Variants in ARFGEF2 observed in about 807,000 individuals in gnomAD.
The protein encoded by ARFGEF2 is brefeldin A-inhibited guanine nucleotide-exchange protein 2.
Under a neutral mutation model 219.9 loss-of-function variants are expected in ARFGEF2, and 74 were observed. The ratio of observed to expected loss-of-function variants is 0.34; its 90% CI spans 0.28 to 0.41. The LOEUF (loss-of-function observed/expected upper bound fraction) is 0.41, where lower values mean the gene tolerates loss of function less well. Ranked by LOEUF, ARFGEF2 falls within the 10% of genes least tolerant of loss-of-function variation. The pLI, the probability that ARFGEF2 is intolerant of heterozygous loss-of-function variation, is 1.00. For synonymous variants in ARFGEF2, 733 were observed against 799.2 expected (o/e 0.92, Z 1.40); for missense variants, 1,743 against 2,218.3 (o/e 0.79, Z 4.30).
At chr20:48,925,312 A>G (rs1028488567) in intron 1 of ARFGEF2, among the ~76,000 whole-genome samples, 1 of 152,208 alleles carries the variant, frequency 6.6e-6, no homozygotes, top group Non-Finnish European at 1.5e-5. Flanking sequence ...CATCGCCCCA[A>G]GGATACTGTT....
intron 6 of ARFGEF2, among the ~76,000 whole-genome samples, chr20:48,957,811 G>A (rs143325829): frequency 6.6e-6 from 1 of 152,176 alleles, no homozygotes; most frequent in East Asian, 1.9e-4. Flanking sequence ...GCTGGTATTC[G>A]GGCTTTCTGA....
chr20:48,959,090 G>T (rs1355048347), intron 6 of ARFGEF2, among the ~76,000 whole-genome samples: 1 of 152,162 alleles, frequency 6.6e-6, no homozygotes, highest in Non-Finnish European at 1.5e-5. Context: ...GTTTTAAAAA[G>T]CAGCACATAG....
At chr20:49,028,773 C>CT (rs2091617619) in intron 37 of ARFGEF2, 105 bp downstream of exon 37, 1 of 1,322,072 alleles carries the variant, frequency 7.6e-7, no homozygotes, top group Non-Finnish European at 1.1e-6. Flanking sequence ...TGCTGACACT[C>CT]TGACAAATTT....
chr20:48,996,870 G>A (rs898973459), intron 23 of ARFGEF2, among the ~76,000 whole-genome samples: 16 of 150,922 alleles, frequency 1.1e-4, no homozygotes, highest in African/African-American at 3.7e-4. Flanking sequence ...AAAAATCCAG[G>A]AGAGATATTT....
intron 3 of ARFGEF2, among the ~76,000 whole-genome samples, chr20:48,946,574 G>A (rs1475310077): frequency 6.6e-6 from 1 of 151,818 alleles, no homozygotes; most frequent in Admixed American, 6.6e-5. Context: ...TACCTAGGCT[G>A]GAGTGCAGTG....
intron 37 of ARFGEF2, among the ~76,000 whole-genome samples, chr20:49,029,831 G>T (rs2091623249): frequency 6.6e-6 from 1 of 151,204 alleles, no homozygotes; most frequent in Non-Finnish European, 1.5e-5. Context: ...GACCTCAGGT[G>T]ATCTGCCGAC....
rs763065076 is a variant in ARFGEF2 at position 48,976,032 on chromosome 20, G to A, written c.1791G>A (p.Thr597=). The part of the protein sequence containing the change: ...HQTSLGQERL[T]DQEIGDGKGL... ...TCTCCGCAGGTCAGGAGAGGCTCAC[G>A]GATCAGGAAATAGGGGATGGGAAAG... The change falls in exon 14 of 39, where the codon ACG becomes ACA. Residue 597 remains threonine (T), a synonymous_variant. Coordinates refer to ENST00000371917, the MANE Select transcript of ARFGEF2 (RefSeq NM_006420.3). 1.0e-4 allele frequency: 169 copies of A among 1,612,204 alleles called. No homozygotes were observed. The highest frequency in any genetic ancestry group is 1.3e-4 in the Non-Finnish European group (152 of 1,180,012).
Position 49,016,300 on chromosome 20 carries a change from A to C in ARFGEF2, c.4200A>C (p.Thr1400=). Residue 1400 remains threonine (T), a synonymous_variant, in exon 31 of 39, where the codon ACA becomes ACC. Transcript: ENST00000371917. ...QLSEKSEWMT[T]TCNHALYAIC... The stretch of plus-strand genomic sequence containing the variant: ...CCCAGAAATCTGAGTGGATGACAAC[A>C]ACCTGCAATCACGCACTTTATGCTA... 1 of 1,614,064 alleles carries C rather than the reference A, an allele frequency of 6.2e-7. No homozygotes were observed.
intron 1 of ARFGEF2, among the ~76,000 whole-genome samples, chr20:48,926,581 C>T (rs543409505): frequency 2.4e-4 from 37 of 152,176 alleles, no homozygotes; most frequent in African/African-American, 7.9e-4. Context: ...ATTTCAGCCT[C>T]CCAAGTAGCT....
intron 33 of ARFGEF2, 60 bp downstream of exon 33, chr20:49,017,610 A>G (rs969394814): frequency 2.6e-6 from 4 of 1,566,978 alleles, no homozygotes; most frequent in Admixed American, 1.7e-5. Flanking sequence ...TAAAAGATCA[A>G]TAAGCCTGTA....
chr20:49,009,852 A>C (rs2091485549), intron 26 of ARFGEF2, among the ~76,000 whole-genome samples: 1 of 152,230 alleles, frequency 6.6e-6, no homozygotes, highest in Non-Finnish European at 1.5e-5. Context: ...AGAAAAACTG[A>C]CCAGCAGTGA....
At chr20:49,005,750 A>AG (rs997342454) in intron 26 of ARFGEF2, among the ~76,000 whole-genome samples, 51 of 151,118 alleles carry the variant, frequency 3.4e-4, no homozygotes, top group Non-Finnish European at 5.9e-4. Flanking sequence ...AAAAAAAAAA[A>AG]AAAAAAAAGA....
At position 49,017,255 on chromosome 20, in the gene ARFGEF2, A is replaced by G; in HGVS notation, c.4322A>G (p.Glu1441Gly). Reference protein sequence around the residue: ...QLQWCVKQDNEQLARSGTNCL... With the variant: ...QLQWCVKQDNGQLARSGTNCL... ...ATACTGCTTTATTTTACAGATAATG[A>G]ACAGTTGGCGCGATCAGGTACAAAT... is the stretch of plus-strand genomic sequence containing the variant. Residue 1441 changes from glutamate to glycine, a missense_variant, in exon 32 of 39, where the codon GAA (glutamate) becomes GGA (glycine). Physicochemically the swap from Glu to Gly is moderately conservative, Grantham distance 98 (BLOSUM62 -2). Around this residue, in one of 5 missense-constraint regions of ARFGEF2, gnomAD observed 578 missense variants for 664.0 expected, o/e 0.87. Coordinates refer to ENST00000371917, the MANE Select transcript of ARFGEF2 (RefSeq NM_006420.3). The G allele has an allele frequency of 6.2e-7, 1 of 1,613,986 alleles. No individual in the cohort carries two copies. Among genetic ancestry groups the G allele is most frequent in the Non-Finnish European group, 8.5e-7 (1 of 1,179,950 alleles).
At chr20:48,974,931 T>G in intron 13 of ARFGEF2, 57 bp downstream of exon 13, 1 of 1,387,038 alleles carries the variant, frequency 7.2e-7, no homozygotes, top group South Asian at 1.2e-5. Context: ...CTACGACTGC[T>G]AGGAACAGTT....
intron 1 of ARFGEF2, among the ~76,000 whole-genome samples, chr20:48,939,097 C>T (rs1358912864): frequency 4.0e-5 from 6 of 151,618 alleles, no homozygotes; most frequent in Admixed American, 2.0e-4. Context: ...GCCTCAGCCT[C>T]CTGAGTAGCT....
intron 3 of ARFGEF2, among the ~76,000 whole-genome samples, chr20:48,950,812 ATATATATATATAT>A (rs1428683767): frequency 4.5e-5 from 2 of 43,996 alleles, no homozygotes; most frequent in Non-Finnish European, 7.9e-5. Flanking sequence ...AAAAAAAAAA[ATATATATATATAT>A]ATATATATAT....
chr20:48,940,306 T>C (rs2123313163), intron 1 of ARFGEF2, among the ~76,000 whole-genome samples: 1 of 152,324 alleles, frequency 6.6e-6, no homozygotes, highest in South Asian at 2.1e-4. Flanking sequence ...TAAAAGATGG[T>C]TAAGATGGTA....
intron 37 of ARFGEF2, among the ~76,000 whole-genome samples, chr20:49,029,422 T>TATG (rs892984254): frequency 2.6e-5 from 4 of 152,192 alleles, no homozygotes. Flanking sequence ...ATTCCACTGT[T>TATG]ATGGAATCTG....
At chr20:48,935,704 C>T (rs1378407607) in intron 1 of ARFGEF2, among the ~76,000 whole-genome samples, 5 of 150,188 alleles carry the variant, frequency 3.3e-5, no homozygotes, top group Middle Eastern at 3.2e-3. Context: ...CTGGACGGGG[C>T]GGCTAGCCGG....
Sources: gnomAD v4.1 joint callset for allele counts (sites outside exome capture counted in the v4.1 genomes callset) on GRCh38, gnomAD v4.1.1 for gene constraint, gnomAD v4.1.1 regional missense constraint, MANE v1.5 for transcripts, NCBI Gene and HGNC (gene_info 2026-07-23, HGNC 2026-07-21) for gene names.